Variants in SMOC2 observed in about 807,000 individuals in gnomAD.
SMOC2 encodes SPARC related modular calcium binding 2, also known as SPARC-related modular calcium-binding protein 2.
SMOC2 carries 39 observed loss-of-function variants against 61.4 expected under a neutral mutation model. The observed-to-expected ratio is 0.64, with a 90% CI of 0.49 to 0.83. SMOC2 has a LOEUF of 0.83. SMOC2 is among the 40% of genes least tolerant of loss of function. The pLI is 0.00. For missense variants in SMOC2, 556 were observed against 592.9 expected, an observed-to-expected ratio of 0.94 and a Z score of 0.65; for synonymous variants, 247 against 239.9, an observed-to-expected ratio of 1.03 and a Z score of -0.27.
chr6:168,516,735 A>G (rs970591011), intron 2 of SMOC2, among the ~76,000 whole-genome samples: 2 of 152,162 alleles, frequency 1.3e-5, no homozygotes, highest in Admixed American at 1.3e-4. Flanking sequence ...CGGGCAGATC[A>G]TGAGGTCAGG....
intron 2 of SMOC2, among the ~76,000 whole-genome samples, chr6:168,519,172 TGTGA>T (rs780135374): frequency 4.6e-5 from 7 of 151,240 alleles, no homozygotes; most frequent in Non-Finnish European, 1.0e-4. Context: ...TGCGTGCATG[TGTGA>T]GTATGCGTGC....
chr6:168,637,286 G>A (rs1158059400), intron 9 of SMOC2, among the ~76,000 whole-genome samples: 1 of 152,088 alleles, frequency 6.6e-6, no homozygotes, highest in African/African-American at 2.4e-5. Context: ...CTGTGTGCCA[G>A]GGTGGCCGCG....
intron 1 of SMOC2, among the ~76,000 whole-genome samples, chr6:168,480,945 ACAAT>A (rs1308454675): frequency 6.6e-6 from 1 of 152,186 alleles, no homozygotes; most frequent in African/African-American, 2.4e-5. Context: ...CAAAAACAAA[ACAAT>A]CAAACTATCA....
chr6:168,569,244 C>G (rs1784613553), intron 7 of SMOC2, among the ~76,000 whole-genome samples: 1 of 152,114 alleles, frequency 6.6e-6, no homozygotes, highest in Non-Finnish European at 1.5e-5. Context: ...GCATTGGTGT[C>G]TCATTATTGT....
At chr6:168,529,061 C>T (rs1232565533) in intron 4 of SMOC2, among the ~76,000 whole-genome samples, 2 of 152,194 alleles carry the variant, frequency 1.3e-5, no homozygotes, top group African/African-American at 4.8e-5. Flanking sequence ...TCCCAAAGAA[C>T]TTTCTTAGAA....
At chr6:168,638,622 A>G (rs534162670) in intron 9 of SMOC2, among the ~76,000 whole-genome samples, 2 of 152,308 alleles carry the variant, frequency 1.3e-5, no homozygotes, top group East Asian at 3.9e-4. Context: ...AAGGCCCATC[A>G]GGAGGGACAG....
At chr6:168,547,456 G>A (rs529096374) in intron 6 of SMOC2, among the ~76,000 whole-genome samples, 12 of 152,158 alleles carry the variant, frequency 7.9e-5, no homozygotes, top group South Asian at 2.1e-4. Context: ...CAGAGGCTGC[G>A]AAGCTGCAGT....
intron 2 of SMOC2, among the ~76,000 whole-genome samples, chr6:168,514,175 A>G (rs1783075449): frequency 6.6e-6 from 1 of 152,096 alleles, no homozygotes; most frequent in East Asian, 1.9e-4. Flanking sequence ...TCTGCATCTG[A>G]GAAAAAACAA....
chr6:168,543,576 T>G, intron 4 of SMOC2, 49 bp from the exon 5 acceptor site: 1 of 1,543,138 alleles, frequency 6.5e-7, no homozygotes, highest in Non-Finnish European at 8.9e-7. Flanking sequence ...GTGATGGCCA[T>G]TTAAGAGTCC....
chr6:168,568,259 T>C (rs570376842), intron 7 of SMOC2, among the ~76,000 whole-genome samples: 1 of 152,362 alleles, frequency 6.6e-6, no homozygotes, highest in Non-Finnish European at 1.5e-5. Context: ...CGTCTTCTCA[T>C]GTCTTCTCCT....
At chr6:168,481,407 TG>T (rs1388591892) in intron 1 of SMOC2, among the ~76,000 whole-genome samples, 2 of 152,128 alleles carry the variant, frequency 1.3e-5, no homozygotes, top group Non-Finnish European at 2.9e-5. Flanking sequence ...ACAGAGTTTT[TG>T]TATGTTATTG....
At chr6:168,632,455 G>A (rs1786594669) in intron 9 of SMOC2, among the ~76,000 whole-genome samples, 1 of 152,234 alleles carries the variant, frequency 6.6e-6, no homozygotes, top group African/African-American at 2.4e-5. Flanking sequence ...TCACTCTGGA[G>A]AGTTGATGAA....
intron 9 of SMOC2, among the ~76,000 whole-genome samples, chr6:168,642,758 A>G (rs753498200): frequency 3.1e-4 from 47 of 152,204 alleles, no homozygotes; most frequent in Non-Finnish European, 5.4e-4. Context: ...GAATCTCAAA[A>G]TCAAAGTGCC....
intron 8 of SMOC2, among the ~76,000 whole-genome samples, chr6:168,600,349 G>T (rs1200963645): frequency 6.7e-6 from 1 of 149,816 alleles, no homozygotes; most frequent in South Asian, 2.1e-4. Flanking sequence ...GGAGGTTGCA[G>T]TGAGCCAAGA....
At chr6:168,563,294 T>C (rs955767637) in intron 7 of SMOC2, among the ~76,000 whole-genome samples, 2 of 152,128 alleles carry the variant, frequency 1.3e-5, no homozygotes, top group Non-Finnish European at 2.9e-5. Flanking sequence ...TTTATGTGTG[T>C]GTGTGTATAT....
chr6:168,565,749 A>G (rs1241247742), intron 7 of SMOC2, among the ~76,000 whole-genome samples: 1 of 152,170 alleles, frequency 6.6e-6, no homozygotes, highest in Non-Finnish European at 1.5e-5. Flanking sequence ...CGGCACCACC[A>G]ACGCCATCAC....
At chr6:168,498,893 A>G (rs28495777) in intron 1 of SMOC2, among the ~76,000 whole-genome samples, 299 of 89,434 alleles carry the variant, frequency 3.3e-3, no homozygotes, top group East Asian at 0.011. Flanking sequence ...CTGGGGGGAC[A>G]GCCAGGGCCC....
intron 9 of SMOC2, among the ~76,000 whole-genome samples, chr6:168,644,865 G>T (rs1393132124): frequency 1.3e-5 from 2 of 151,992 alleles, no homozygotes; most frequent in East Asian, 3.9e-4. Context: ...GGCCAGACTG[G>T]TCTCAAACTC....
At chr6:168,614,456 AT>A (rs1487794633) in intron 9 of SMOC2, among the ~76,000 whole-genome samples, 3 of 63,034 alleles carry the variant, frequency 4.8e-5, no homozygotes, top group African/African-American at 1.4e-4. Flanking sequence ...CAGCCAGCAC[AT>A]GGAGCCTCTT....
Sources: allele counts gnomAD v4.1 joint callset (sites outside exome capture counted in the v4.1 genomes callset), GRCh38; gene constraint gnomAD v4.1.1; transcripts MANE v1.5; gene names NCBI Gene and HGNC (gene_info 2026-07-23, HGNC 2026-07-21).